PSG2: variants seen among roughly 807,000 people sequenced by gnomAD.
PSG2 encodes pregnancy specific beta-1-glycoprotein 2.
PSG2 carries 49 observed loss-of-function variants against 36.2 expected under a neutral mutation model. The observed-to-expected ratio is 1.35, with a 90% CI of 1.08 to 1.72. The LOEUF is 1.72. Among genes scored for constraint, PSG2 ranks in the 40% most tolerant of loss-of-function variants. The probability of loss-of-function intolerance (pLI) is 0.00; values close to 1 mark genes in which losing one functional copy is unlikely to be tolerated. For missense variants in PSG2, 605 were observed against 407.2 expected, an observed-to-expected ratio of 1.49 and a Z score of -4.18; for synonymous variants, 261 against 155.6, an observed-to-expected ratio of 1.68 and a Z score of -5.04.
chr19:43,066,622 A>G, intron 4 of PSG2, 22 bp from the exon 5 acceptor site: 1 of 1,579,440 alleles, frequency 6.3e-7, no homozygotes, highest in Non-Finnish European at 8.7e-7. Flanking sequence ...AGAAAAGTAA[A>G]GAAGGAATGA....
At chr19:43,065,258 A>G (rs1967724546) in intron 5 of PSG2, among the ~76,000 whole-genome samples, 1 of 151,674 alleles carries the variant, frequency 6.6e-6, no homozygotes, top group South Asian at 2.1e-4. Context: ...TTTTCCGTTC[A>G]GCTTCTGTTT....
chr19:43,066,788 G>A (rs555620052), intron 4 of PSG2, among the ~76,000 whole-genome samples, 188 bp from the exon 5 acceptor site: 82 of 151,592 alleles, frequency 5.4e-4, no homozygotes, highest in East Asian at 3.1e-3. Flanking sequence ...CATGTGTCTC[G>A]GTTGGTGATC....
At chr19:43,082,299 C>G in intron 1 of PSG2, 1 of 723,056 alleles carries the variant, frequency 1.4e-6, no homozygotes, top group Non-Finnish European at 2.1e-6. Flanking sequence ...CACGACAATA[C>G]CTGGTTAATT....
chr19:43,078,934 C>G (rs1967933666), intron 2 of PSG2, among the ~76,000 whole-genome samples: 1 of 151,518 alleles, frequency 6.6e-6, no homozygotes, highest in East Asian at 1.9e-4. Flanking sequence ...ACAGTGGAAG[C>G]TCATTCTCTT....
chr19:43,071,461 C>T lies in PSG2; in HGVS notation c.964+239G>A, dbSNP rs186120005. Reference sequence around the variant, plus strand: ...CTCTTCTACCACATAGGGCTCAGGGCTGATAATGACCCCTCCCTACCTTTC... The same window carrying T: ...CTCTTCTACCACATAGGGCTCAGGGTTGATAATGACCCCTCCCTACCTTTC... On this transcript the variant is annotated intron_variant, in intron 4 of 5. Coordinates refer to ENST00000406487, the MANE Select transcript of PSG2 (RefSeq NM_031246.4). Among the ~76,000 whole-genome samples, 42 of 151,734 alleles carry T rather than the reference C, an allele frequency of 2.8e-4. No individual in the cohort carries two copies. In the East Asian group the frequency reaches 6.9e-3, roughly 25 times the overall value.
rs764821944 is a variant in PSG2 at position 43,075,504 on chromosome 19, G to C, written c.559C>G (p.Leu187Val). 1 of 1,613,228 alleles carries C rather than the reference G, an allele frequency of 6.2e-7. No homozygotes were observed. The highest frequency in any genetic ancestry group is 8.5e-7 in the Non-Finnish European group (1 of 1,179,714). The change falls in exon 3 of 6, where the codon CTC (leucine) becomes GTC (valine). Residue 187 changes from leucine to valine, a missense_variant. Transcript: ENST00000406487. ...SYQWWMNGQSLPMTHRFQLSE... is the reference protein window; with the variant it reads ...SYQWWMNGQSVPMTHRFQLSE... ...AGCTGAAACCTATGAGTCATAGGGA[G>C]GCTCTGACCATTCATCCACCACTGG... is the stretch of plus-strand genomic sequence containing the variant.
At chr19:43,067,033 C>G (rs1310252415) in intron 4 of PSG2, among the ~76,000 whole-genome samples, 4 of 151,464 alleles carry the variant, frequency 2.6e-5, no homozygotes, top group African/African-American at 4.9e-5. Context: ...TTCACCACCT[C>G]TTGTGCACAG....
In PSG2 at chr19:43,071,279, T is replaced by C. The variant is rs143730111; in HGVS notation, c.964+421A>G. Among the ~76,000 whole-genome samples, 64 of 151,552 alleles carry C rather than the reference T, an allele frequency of 4.2e-4. 2 individuals are homozygous for C. The highest frequency in any genetic ancestry group is 3.4e-3 in the Middle Eastern group (1 of 292). Reference sequence around the variant, plus strand: ...CACCCAAGGGGCTTCCTCCTCTCATTTGGGGGAAAAGTGTGAGCTTGTTTC... The same window carrying C: ...CACCCAAGGGGCTTCCTCCTCTCATCTGGGGGAAAAGTGTGAGCTTGTTTC... On this transcript the variant is annotated intron_variant, in intron 4 of 5. Coordinates refer to ENST00000406487, the MANE Select transcript of PSG2 (RefSeq NM_031246.4).
At position 43,081,060 on chromosome 19, in the gene PSG2, A is replaced by T. The variant is rs759046470; in HGVS notation, c.251T>A (p.Val84Glu). The change falls in exon 2 of 6, where the codon GTA becomes GAA. Residue 84 changes from valine (V) to glutamate (E), a missense_variant. Physicochemically the swap from Val to Glu is moderately radical, Grantham distance 121. Transcript: ENST00000406487. ...DLYHYITSYV[V>E]DGQIIIYGPA... Reference sequence around the variant, plus strand: ...CCCATATATAATTATTTGACCGTCTACTACATATGATGTAATGTAATGGTA... The same window carrying T: ...CCCATATATAATTATTTGACCGTCTTCTACATATGATGTAATGTAATGGTA... 6.2e-7 allele frequency: 1 copy of T among 1,612,898 alleles called. No homozygotes were observed. Among genetic ancestry groups the T allele is most frequent in the Non-Finnish European group, 8.5e-7 (1 of 1,179,652 alleles).
rs1967986546 is a variant in PSG2 at position 43,082,120 on chromosome 19, C to CTTTTTT, written c.64+385_64+386insAAAAAA. ...TTCTTTCCTTTTATTTCTTTCTTCT[C>CTTTTTT]TCTTTTTTTTTTTTTTTTTTTTTTT... is the stretch of plus-strand genomic sequence containing the variant. On this transcript the variant is annotated intron_variant, in intron 1 of 5. Coordinates refer to ENST00000406487, the MANE Select transcript of PSG2 (RefSeq NM_031246.4). 37 of 90,834 alleles carry CTTTTTT rather than the reference C, an allele frequency of 4.1e-4. 1 individual carries two copies. Among genetic ancestry groups the CTTTTTT allele is most frequent in the Non-Finnish European group, 6.0e-4 (27 of 45,156 alleles). 5.6% of individuals were successfully genotyped at this position (90,834 alleles called of 1,614,324 possible).
chr19:43,070,741 G>A lies in PSG2; in HGVS notation c.964+959C>T, dbSNP rs1186077079. On this transcript the variant is annotated intron_variant, in intron 4 of 5. Transcript: ENST00000406487. ...TTTATTGGGTACAGAGGTTTAATAT[G>A]GTAAGAGGAAAAAGTTCTGGAAATG... Among the ~76,000 whole-genome samples, 3 of 151,680 alleles carry A rather than the reference G, an allele frequency of 2.0e-5. No homozygotes were observed. The East Asian group carries it at 5.8e-4, about 29-fold the overall frequency.
At chr19:43,081,453 T>C (rs1967974516) in intron 1 of PSG2, among the ~76,000 whole-genome samples, 1 of 151,176 alleles carries the variant, frequency 6.6e-6, no homozygotes, top group South Asian at 2.1e-4. Flanking sequence ...ACTGTCCTAC[T>C]AGGTCAAGGT....
At chr19:43,078,721 G>A (rs933911090) in intron 2 of PSG2, among the ~76,000 whole-genome samples, 14 of 151,746 alleles carry the variant, frequency 9.2e-5, no homozygotes, top group African/African-American at 2.7e-4. Context: ...ATAAACCTCT[G>A]TCCTCCTGTT....
At chr19:43,076,330 T>G (rs1967895336) in intron 2 of PSG2, among the ~76,000 whole-genome samples, 1 of 151,714 alleles carries the variant, frequency 6.6e-6, no homozygotes, top group African/African-American at 2.4e-5. Context: ...CAAGAGCTGA[T>G]AGCTTCTGAA....
chr19:43,072,874 A>G (rs1175713783), intron 3 of PSG2, among the ~76,000 whole-genome samples: 1 of 151,702 alleles, frequency 6.6e-6, no homozygotes, highest in Non-Finnish European at 1.5e-5. Flanking sequence ...GTGTTGGGTC[A>G]TGGACAGACA....
At position 43,082,553 on chromosome 19, in the gene PSG2, G is replaced by C. The variant is rs780534792; in HGVS notation, c.17C>G (p.Ala6Gly). ...TTTGATGTGCTCTGTGCAGGGAGGG[G>C]CTGAGAGGGGCCCCATGGTCTCTGC... MGPLS[A>G]PPCTEHIKWK... The change falls in exon 1 of 6, where the codon GCC (alanine) becomes GGC (glycine). Residue 6 changes from alanine to glycine, a missense_variant. Physicochemically the swap from Ala to Gly is moderately conservative, Grantham distance 60. Coordinates refer to ENST00000406487, the MANE Select transcript of PSG2 (RefSeq NM_031246.4). The C allele has an allele frequency of 6.2e-7, 1 of 1,612,036 alleles. No homozygotes were observed. The highest frequency in any genetic ancestry group is 8.5e-7 in the Non-Finnish European group (1 of 1,179,074).
intron 4 of PSG2, among the ~76,000 whole-genome samples, chr19:43,070,610 T>TATATAATTCC (rs1343715267): frequency 6.6e-6 from 1 of 151,692 alleles, no homozygotes; most frequent in Non-Finnish European, 1.5e-5. Flanking sequence ...GGATAATTAT[T>TATATAATTCC]ATATAATTCC....
At position 43,067,650 on chromosome 19, in the gene PSG2, G is replaced by T. The variant is rs150236456; in HGVS notation, c.965-1050C>A. On this transcript the variant is annotated intron_variant, in intron 4 of 5. Coordinates refer to ENST00000406487, the MANE Select transcript of PSG2 (RefSeq NM_031246.4). ...CTGGTGTCATATGGCTAGTGACAGGGGGATCTGAGATTTCATTCTAGGACT... is the reference window on the plus strand; with the variant it reads ...CTGGTGTCATATGGCTAGTGACAGGTGGATCTGAGATTTCATTCTAGGACT... Among the ~76,000 whole-genome samples, 387 of 149,954 alleles carry T rather than the reference G, an allele frequency of 2.6e-3. 12 individuals are homozygous for T. The highest frequency in any genetic ancestry group is 9.4e-3 in the African/African-American group (379 of 40,298).
chr19:43,075,633 C>T lies in PSG2; in HGVS notation c.431-1G>A. ...GAGATGGAGGGCTTGGGAGTCTCCA[C>T]TGTGCAGAAAACAGAGAGAAGATTG... On this transcript the variant is annotated splice_acceptor_variant, in intron 2 of 5. Coordinates refer to ENST00000406487, the MANE Select transcript of PSG2 (RefSeq NM_031246.4). LOFTEE classifies it high-confidence loss of function. The T allele has an allele frequency of 6.2e-7, 1 of 1,611,524 alleles. No homozygotes were observed. Among genetic ancestry groups the T allele is most frequent in the Non-Finnish European group, 8.5e-7 (1 of 1,178,892 alleles).
Sources: gnomAD v4.1 joint callset for allele counts (sites outside exome capture counted in the v4.1 genomes callset) on GRCh38, gnomAD v4.1.1 for gene constraint, MANE v1.5 for transcripts, NCBI Gene and HGNC (gene_info 2026-07-23, HGNC 2026-07-21) for gene names.